The following PIP5K1B variants were observed in gnomAD, a reference collection of about 807,000 sequenced individuals.
The protein encoded by PIP5K1B is phosphatidylinositol 4-phosphate 5-kinase type-1 beta.
A neutral mutation model predicts 67.0 loss-of-function variants in PIP5K1B; 42 were observed. The observed-to-expected ratio is 0.63, with a 90% confidence interval of 0.49 to 0.81. PIP5K1B has a LOEUF of 0.81. PIP5K1B is among the 30% of genes least tolerant of loss of function. The probability of loss-of-function intolerance (pLI) is 0.00; values close to 1 mark genes in which losing one functional copy is unlikely to be tolerated. For missense variants in PIP5K1B, 459 were observed against 646.3 expected (o/e 0.71, Z 3.14); for synonymous variants, 214 against 231.4 (o/e 0.92, Z 0.68).
chr9:68,817,723 T>C (rs971242395), intron 2 of PIP5K1B, among the ~76,000 whole-genome samples: 5 of 148,654 alleles, frequency 3.4e-5, no homozygotes, highest in Admixed American at 2.7e-4. Context: ...TTTTTTTTTT[T>C]TTTTTTTTTT....
At chr9:68,935,861 G>A (rs1176751985) in intron 13 of PIP5K1B, 1 of 152,230 alleles carries the variant, frequency 6.6e-6, no homozygotes, top group Non-Finnish European at 1.5e-5. Flanking sequence ...GGAAAGAAAA[G>A]AGGCAGAAAG....
chr9:68,973,648 T>C (rs1424267429), intron 14 of PIP5K1B, among the ~76,000 whole-genome samples: 2 of 152,228 alleles, frequency 1.3e-5, no homozygotes, highest in African/African-American at 4.8e-5. Context: ...CCTAATCATT[T>C]ATTAGTTTAC....
intron 14 of PIP5K1B, among the ~76,000 whole-genome samples, chr9:68,970,697 ACT>A (rs1829314406): frequency 1.3e-5 from 2 of 152,144 alleles, no homozygotes; most frequent in South Asian, 4.1e-4. Context: ...TTGTGTTTTT[ACT>A]CTCTGTTAAG....
At chr9:68,824,904 A>C (rs1012093652) in intron 4 of PIP5K1B, among the ~76,000 whole-genome samples, 3 of 152,242 alleles carry the variant, frequency 2.0e-5, no homozygotes, top group Non-Finnish European at 4.4e-5. Context: ...TAGAATAGGA[A>C]AACCTCTGAA....
At chr9:68,921,714 G>T (rs1242646524) in intron 11 of PIP5K1B, among the ~76,000 whole-genome samples, 1 of 152,134 alleles carries the variant, frequency 6.6e-6, no homozygotes, top group Non-Finnish European at 1.5e-5. Context: ...AGCCAGACGT[G>T]GTGGCACATG....
At chr9:68,858,828 T>C (rs1374834917) in intron 4 of PIP5K1B, among the ~76,000 whole-genome samples, 1 of 152,270 alleles carries the variant, frequency 6.6e-6, no homozygotes, top group Non-Finnish European at 1.5e-5. Flanking sequence ...TCAGATGGCA[T>C]ATTAAGTGAC....
At chr9:68,889,659 C>T (rs973655066) in intron 7 of PIP5K1B, among the ~76,000 whole-genome samples, 16 of 149,026 alleles carry the variant, frequency 1.1e-4, no homozygotes, top group South Asian at 4.3e-4. Context: ...GGCATGAACC[C>T]GGGAGGCGGA....
intron 2 of PIP5K1B, among the ~76,000 whole-genome samples, chr9:68,769,866 GT>G (rs906528342): frequency 6.6e-6 from 1 of 152,186 alleles, no homozygotes; most frequent in African/African-American, 2.4e-5. Flanking sequence ...CTGGCACCCA[GT>G]TGGAACTTGA....
chr9:68,789,495 A>G, intron 2 of PIP5K1B: 1 of 521,498 alleles, frequency 1.9e-6, no homozygotes, highest in Non-Finnish European at 3.9e-6. Context: ...GTGGTGGTAA[A>G]CACTTAAGAG....
At chr9:68,934,001 A>G (rs1827133423) in intron 12 of PIP5K1B, among the ~76,000 whole-genome samples, 1 of 152,216 alleles carries the variant, frequency 6.6e-6, no homozygotes, top group African/African-American at 2.4e-5. Context: ...TTCTAAAGGA[A>G]GAGAGACACT....
chr9:68,843,664 C>T (rs1348840632), intron 4 of PIP5K1B, among the ~76,000 whole-genome samples: 1 of 152,176 alleles, frequency 6.6e-6, no homozygotes, highest in Non-Finnish European at 1.5e-5. Context: ...ATGGAGGAGA[C>T]TGAGGCCTCT....
chr9:68,744,540 C>T (rs1415268781), intron 2 of PIP5K1B, among the ~76,000 whole-genome samples: 1 of 152,228 alleles, frequency 6.6e-6, no homozygotes. Context: ...CTCCCCTTCC[C>T]CTGGCTAGGG....
At chr9:68,825,502 AGTGTT>A (rs1833935004) in intron 4 of PIP5K1B, among the ~76,000 whole-genome samples, 1 of 152,238 alleles carries the variant, frequency 6.6e-6, no homozygotes, top group Admixed American at 6.5e-5. Context: ...AGACTACACA[AGTGTT>A]GTCAAGGCCA....
rs901339768 is a variant in PIP5K1B, at chr9:68,900,426, A to G, written c.771+5788A>G. ...TGTATATATTAATTTTAAAAGAACA[A>G]TTAGGATCTATTTTTGTATTCATTG... On this transcript the variant is annotated intron_variant, in intron 8 of 15. Transcript: ENST00000265382. Among the ~76,000 whole-genome samples, 7 of 152,336 alleles carry G rather than the reference A, an allele frequency of 4.6e-5. No individual in the cohort carries two copies. The East Asian group carries it at 1.3e-3, about 29-fold the overall frequency.
chr9:68,780,075 T>TGGCGGCGGCAGC (rs1275222589), intron 2 of PIP5K1B: 26 of 1,427,940 alleles, frequency 1.8e-5, no homozygotes, highest in Admixed American at 1.2e-4. Context: ...AGATTCTCGG[T>TGGCGGCGGCAGC]GGCGGCGGCA....
At chr9:68,881,371 C>T (rs887299246) in intron 6 of PIP5K1B, among the ~76,000 whole-genome samples, 2 of 152,152 alleles carry the variant, frequency 1.3e-5, no homozygotes, top group Non-Finnish European at 2.9e-5. Flanking sequence ...TAAGACATTG[C>T]TTGAAAAACC....
intron 1 of PIP5K1B, among the ~76,000 whole-genome samples, chr9:68,710,438 C>T (rs888996626): frequency 6.6e-6 from 1 of 152,012 alleles, no homozygotes; most frequent in African/African-American, 2.4e-5. Flanking sequence ...GGTACTGTGT[C>T]GTAAACAATC....
intron 14 of PIP5K1B, chr9:68,941,099 T>C (rs1220437000): frequency 2.0e-6 from 1 of 490,464 alleles, no homozygotes; most frequent in Admixed American, 2.3e-5. Context: ...TTCTTCAGAG[T>C]GAGCACTCTT....
chr9:68,728,593 G>T (rs1828263586), intron 1 of PIP5K1B, among the ~76,000 whole-genome samples: 1 of 152,150 alleles, frequency 6.6e-6, no homozygotes, highest in South Asian at 2.1e-4. Context: ...ATTCCAAGTA[G>T]AAGGGATGAA....
Sources: allele counts gnomAD v4.1 joint callset (sites outside exome capture counted in the v4.1 genomes callset), GRCh38; gene constraint gnomAD v4.1.1; transcripts MANE v1.5; gene names NCBI Gene and HGNC (gene_info 2026-07-23, HGNC 2026-07-21).